Variants in CTNNB1 observed in about 807,000 individuals in gnomAD.
CTNNB1 encodes catenin beta 1, also known as catenin beta-1.
In CTNNB1, 6 loss-of-function variants were observed where a neutral mutation model predicts 82.5. That is an observed-to-expected ratio of 0.07 (90% confidence interval 0.04 to 0.14). The LOEUF is 0.14. Among genes scored for constraint, CTNNB1 ranks in the 10% least tolerant of loss-of-function variants. The pLI is 1.00. For synonymous variants in CTNNB1, 312 were observed against 329.7 expected, an observed-to-expected ratio of 0.95 and a Z score of 0.58; for missense variants, 529 against 980.4, an observed-to-expected ratio of 0.54 and a Z score of 6.15.
chr3:41,226,037 A>G lies in CTNNB1; in HGVS notation c.936+176A>G, dbSNP rs565860304. 3.9e-5 allele frequency among the ~76,000 whole-genome samples: 6 copies of G among 152,126 alleles called. No individual in the cohort carries two copies. The East Asian group carries it at 1.2e-3, about 30-fold the overall frequency. On this transcript the variant is annotated intron_variant, in intron 6 of 14. Coordinates refer to ENST00000349496, the MANE Select transcript of CTNNB1 (RefSeq NM_001904.4). The stretch of plus-strand genomic sequence containing the variant: ...GGATGACACCATTCCACCTCAGATA[A>G]TCAGGCATTAGATTCTCATAGGGAG...
chr3:41,231,885 C>T (rs544590648), intron 7 of CTNNB1, among the ~76,000 whole-genome samples: 43 of 152,132 alleles, frequency 2.8e-4, no homozygotes, highest in Non-Finnish European at 4.9e-4. Flanking sequence ...CAACCAAAAA[C>T]GGTTTGTGGA....
intron 7 of CTNNB1, among the ~76,000 whole-genome samples, chr3:41,231,756 C>G (rs917722991): frequency 6.6e-6 from 1 of 152,136 alleles, no homozygotes; most frequent in African/African-American, 2.4e-5. Context: ...GACCAGACTA[C>G]TGAGATGTTA....
rs560261174 is a variant in CTNNB1 at position 41,213,100 on chromosome 3, T to C, written c.-48-10921T>C. ...GTGTCACGTAGAACAGAAAACACTT[T>C]TCTTACCAAAGGCTAGAGAGCTCTA... On this transcript the variant is annotated intron_variant, in intron 1 of 14. Coordinates refer to ENST00000349496, the MANE Select transcript of CTNNB1 (RefSeq NM_001904.4). 2.6e-5 allele frequency among the ~76,000 whole-genome samples: 4 copies of C among 152,352 alleles called. No individual in the cohort carries two copies. The South Asian group carries it at 8.3e-4, about 32-fold the overall frequency.
rs1167145378 is a variant in CTNNB1 at position 41,225,297 on chromosome 3, T to TG, written c.496-36dup. 4 of 1,613,734 alleles carry TG rather than the reference T, an allele frequency of 2.5e-6. No individual in the cohort carries two copies. In the African/African-American group the frequency reaches 5.3e-5, roughly 22 times the overall value. Reference sequence around the variant, plus strand: ...AGAATGTCTACCCAATACCAGTACTTGAAAACTAACGATGTTTCTGAATTC... The same window carrying TG: ...AGAATGTCTACCCAATACCAGTACTTGGAAAACTAACGATGTTTCTGAATTC... On this transcript the variant is annotated intron_variant, in intron 4 of 14. Transcript: ENST00000349496. This position sits in a 1 kb window ranked among gnomAD's most constrained non-coding sequence, Gnocchi z 5.3.
intron 2 of CTNNB1, 89 bp downstream of exon 2, chr3:41,224,170 T>C: frequency 6.9e-7 from 1 of 1,446,556 alleles, no homozygotes; most frequent in Non-Finnish European, 9.7e-7. Context: ...TGCTTTCCTC[T>C]CTCCCTGCTT....
At chr3:41,200,745 C>T (rs948227009) in intron 1 of CTNNB1, among the ~76,000 whole-genome samples, 1 of 152,170 alleles carries the variant, frequency 6.6e-6, no homozygotes, top group Non-Finnish European at 1.5e-5. Flanking sequence ...AAGTTAAGTT[C>T]CTATAGCCTG....
intron 1 of CTNNB1, among the ~76,000 whole-genome samples, chr3:41,201,866 G>C (rs1480615387): frequency 6.6e-6 from 1 of 152,036 alleles, no homozygotes; most frequent in Non-Finnish European, 1.5e-5. Flanking sequence ...TGAGCTTACT[G>C]TTCCTGTTAA....
At chr3:41,224,225 A>G (rs994081495) in intron 2 of CTNNB1, 144 bp downstream of exon 2, 29 of 1,024,202 alleles carry the variant, frequency 2.8e-5, no homozygotes, top group Non-Finnish European at 4.0e-5. Flanking sequence ...CACTCCTCCT[A>G]ATGGCTTGGT....
chr3:41,223,732 C>G (rs2078106502), intron 1 of CTNNB1, among the ~76,000 whole-genome samples: 1 of 152,142 alleles, frequency 6.6e-6, no homozygotes, highest in African/African-American at 2.4e-5. Flanking sequence ...TTTATTATTA[C>G]AACTCTGTGC....
intron 1 of CTNNB1, among the ~76,000 whole-genome samples, chr3:41,206,655 T>C (rs765032653): frequency 2.0e-5 from 3 of 152,042 alleles, no homozygotes; most frequent in Non-Finnish European, 4.4e-5. Flanking sequence ...TTTTTAAGTA[T>C]AATTAAGTGG....
intron 1 of CTNNB1, among the ~76,000 whole-genome samples, chr3:41,205,878 T>G (rs1303650051): frequency 1.3e-5 from 2 of 152,184 alleles, no homozygotes; most frequent in African/African-American, 4.8e-5. Context: ...TAAAGGCGTC[T>G]CACCCCAAGT....
intron 13 of CTNNB1, 132 bp downstream of exon 13, chr3:41,236,841 A>T: frequency 2.5e-6 from 3 of 1,214,998 alleles, no homozygotes; most frequent in Non-Finnish European, 3.6e-6. Context: ...TTTCTTCTTT[A>T]TGCTGTCTAG....
chr3:41,239,092 C>T (rs1463777497), intron 14 of CTNNB1, 42 bp from the exon 15 acceptor site: 4 of 1,523,778 alleles, frequency 2.6e-6, no homozygotes, highest in Non-Finnish European at 2.7e-6. Flanking sequence ...CTCTCTTTTG[C>T]CTTCCTTCTT....
Position 41,225,943 on chromosome 3 carries a change from C to A in CTNNB1, c.936+82C>A, listed in dbSNP as rs951540760. 10 of 1,350,630 alleles carry A rather than the reference C, an allele frequency of 7.4e-6. No homozygotes were observed. In the African/African-American group the frequency reaches 1.4e-4, roughly 19 times the overall value. The allele number at this position is 1,350,630 out of a possible 1,614,324, so 83.7% of individuals were successfully genotyped here. A position where few individuals can be genotyped will look rare whatever the true frequency, so the allele number is the denominator to read the frequency against. On this transcript the variant is annotated intron_variant, in intron 6 of 14. Transcript: ENST00000349496. The surrounding 1 kb of genome is among the most constrained non-coding windows in gnomAD (Gnocchi z 5.3). ...TGTCATTCCATGCAGTGTTCCTAAC[C>A]TTTTTGGCACCAGGGACCAGTTTCG...
intron 1 of CTNNB1, among the ~76,000 whole-genome samples, chr3:41,205,407 G>A (rs941840461): frequency 1.3e-5 from 2 of 152,170 alleles, no homozygotes; most frequent in African/African-American, 4.8e-5. Context: ...GGTATTTCCA[G>A]ATTTTGAAAA....
At chr3:41,218,173 C>T (rs1225634080) in intron 1 of CTNNB1, among the ~76,000 whole-genome samples, 1 of 152,076 alleles carries the variant, frequency 6.6e-6, no homozygotes, top group Admixed American at 6.5e-5. Flanking sequence ...GTTGGAATTA[C>T]AAGCCCATTT....
At chr3:41,224,493 T>C (rs2125616448) in intron 2 of CTNNB1, 33 bp from the exon 3 acceptor site, 4 of 1,557,132 alleles carry the variant, frequency 2.6e-6, no homozygotes, top group Non-Finnish European at 8.9e-7. Flanking sequence ...ACATTTCCAA[T>C]CTACTAATGC....
chr3:41,200,990 A>G (rs1363138242), intron 1 of CTNNB1, among the ~76,000 whole-genome samples: 2 of 152,234 alleles, frequency 1.3e-5, no homozygotes, highest in East Asian at 1.9e-4. Context: ...AGAGCTTTGT[A>G]TCATGAATAA....
At chr3:41,202,403 T>C (rs1189124298) in intron 1 of CTNNB1, among the ~76,000 whole-genome samples, 2 of 152,226 alleles carry the variant, frequency 1.3e-5, no homozygotes, top group Non-Finnish European at 2.9e-5. Flanking sequence ...TTGCAACTCT[T>C]TTGTAGTGTG....
Sources: allele counts gnomAD v4.1 joint callset (sites outside exome capture counted in the v4.1 genomes callset), GRCh38; gene constraint gnomAD v4.1.1; non-coding constraint Gnocchi (gnomAD v3.1); transcripts MANE v1.5; gene names NCBI Gene and HGNC (gene_info 2026-07-23, HGNC 2026-07-21).